Variants in NIT1 observed in about 807,000 individuals in gnomAD.
The protein encoded by NIT1 is nitrilase 1.
A neutral mutation model predicts 36.8 loss-of-function variants in NIT1; 30 were observed. That is an observed-to-expected ratio of 0.82 (90% CI 0.61 to 1.11). The LOEUF is 1.11. NIT1 is among the 50% of genes least tolerant of loss of function. The pLI, the probability that NIT1 is intolerant of heterozygous loss-of-function variation, is 0.00. For synonymous variants in NIT1, 151 were observed against 155.6 expected, an observed-to-expected ratio of 0.97 and a Z score of 0.22; for missense variants, 438 against 410.6, an observed-to-expected ratio of 1.07 and a Z score of -0.58.
At chr1:161,123,757 A>T, downstream of NIT1, 1 of 1,270,032 alleles carries the variant, frequency 7.9e-7, no homozygotes, top group Non-Finnish European at 1.1e-6. Context: ...CCTTTCATTT[A>T]AGCTGGCAAA....
Position 161,119,657 on chromosome 1 carries a change from T to C in NIT1, c.457+45T>C, listed in dbSNP as rs558348931. On this transcript the variant is annotated intron_variant, in intron 4 of 6. Coordinates refer to ENST00000368009, the MANE Select transcript of NIT1 (RefSeq NM_005600.3). ...TAGCCTGCCTCTTCCCATGCTCTTC[T>C]ACCTAGATTCTCCAGAATTGTTTCT... 2.8e-5 allele frequency: 35 copies of C among 1,228,648 alleles called. No homozygotes were observed. The African/African-American group carries it at 4.1e-4, about 14-fold the overall frequency. 76.1% of individuals were successfully genotyped at this position (1,228,648 alleles called of 1,614,324 possible).
Position 161,120,127 on chromosome 1 carries a change from T to C in NIT1, c.612T>C (p.Tyr204=), listed in dbSNP as rs536352691. ...TCCAGATTGGTCTAGCTGTCTGCTATGACATGCGGTTCCCTGAACTCTCTC... is the reference window on the plus strand; with the variant it reads ...TCCAGATTGGTCTAGCTGTCTGCTACGACATGCGGTTCCCTGAACTCTCTC... ...PAGKIGLAVC[Y]DMRFPELSLA... Residue 204 remains tyrosine, a synonymous_variant, in exon 6 of 7, where the codon TAT becomes TAC. Coordinates refer to ENST00000368009, the MANE Select transcript of NIT1 (RefSeq NM_005600.3). 1.2e-4 allele frequency: 189 copies of C among 1,614,072 alleles called. 2 individuals are homozygous for C. The highest frequency in any genetic ancestry group is 1.6e-4 in the Middle Eastern group (1 of 6,080).
rs752813926 is a variant in NIT1 at position 161,119,662 on chromosome 1, A to G, written c.457+50A>G. The G allele has an allele frequency of 5.0e-6, 8 of 1,591,922 alleles. No individual in the cohort carries two copies. In the East Asian group the frequency reaches 1.6e-4, roughly 31 times the overall value. On this transcript the variant is annotated intron_variant, in intron 4 of 6. Transcript: ENST00000368009. ...TGCCTCTTCCCATGCTCTTCTACCTAGATTCTCCAGAATTGTTTCTCAACT... is the reference window on the plus strand; with the variant it reads ...TGCCTCTTCCCATGCTCTTCTACCTGGATTCTCCAGAATTGTTTCTCAACT...
chr1:161,119,115 C>T lies in NIT1; in HGVS notation c.99-19C>T. ...CCCTGTGCTATGAAATCTGAGAATC[C>T]TGCCTATGCTGTTCACAGGCCCAGA... On this transcript the variant is annotated intron_variant, in intron 2 of 6. Transcript: ENST00000368009. 6.2e-7 allele frequency: 1 copy of T among 1,609,872 alleles called. No individual in the cohort carries two copies. The highest frequency in any genetic ancestry group is 1.1e-5 in the South Asian group (1 of 90,990).
chr1:161,123,121 T>G, downstream of NIT1: 1 of 1,614,156 alleles, frequency 6.2e-7, no homozygotes, highest in East Asian at 2.2e-5. Flanking sequence ...ACTTCCGGCG[T>G]TTTCGCTGGC....
intron 1 of NIT1, chr1:161,118,433 C>G: frequency 6.5e-7 from 1 of 1,535,810 alleles, no homozygotes; most frequent in Non-Finnish European, 8.7e-7. Context: ...TGCTTCGAGT[C>G]AGTAAAGCTG....
downstream of NIT1, chr1:161,124,479 C>T (rs756561014): frequency 4.0e-5 from 64 of 1,587,030 alleles, no homozygotes; most frequent in African/African-American, 9.4e-5. Context: ...GGCTCAGGTA[C>T]GCAATGCTTT....
At position 161,119,143 on chromosome 1, in the gene NIT1, C is replaced by T; in HGVS notation, c.108C>T (p.Ala36=). The T allele has an allele frequency of 6.2e-7, 1 of 1,613,776 alleles. No individual in the cohort carries two copies. Among genetic ancestry groups the T allele is most frequent in the Non-Finnish European group, 8.5e-7 (1 of 1,180,040 alleles). The change falls in exon 3 of 7, where the codon GCC becomes GCT. Residue 36 remains alanine (A), a synonymous_variant. Transcript: ENST00000368009. ...SVLCAQPRPR[A]MAISSSSCEL... ...CCTATGCTGTTCACAGGCCCAGAGC[C>T]ATGGCTATCTCCTCTTCCTCCTGCG... is the stretch of plus-strand genomic sequence containing the variant.
At chr1:161,123,229 G>A (rs1557978024), downstream of NIT1, 4 of 1,611,036 alleles carry the variant, frequency 2.5e-6, no homozygotes, top group Non-Finnish European at 8.5e-7. Flanking sequence ...GCACTGACCA[G>A]AAAGTAAAAG....
downstream of NIT1, chr1:161,122,660 G>T: frequency 1.7e-6 from 2 of 1,156,576 alleles, no homozygotes; most frequent in Non-Finnish European, 2.4e-6. This position sits in a 1 kb window ranked among gnomAD's most constrained non-coding sequence, Gnocchi z 4.2. Context: ...CTCTTCCCCA[G>T]GACTATTTCT....
chr1:161,124,154 G>A (rs2101744753), downstream of NIT1: 1 of 1,613,292 alleles, frequency 6.2e-7, no homozygotes, highest in South Asian at 1.1e-5. Flanking sequence ...GTCTCCTCTT[G>A]AGGGTGACGT....
chr1:161,118,145 C>T lies in NIT1; in HGVS notation c.-32C>T, dbSNP rs200572879. 1.6e-4 allele frequency: 253 copies of T among 1,613,990 alleles called. No individual in the cohort carries two copies. In the African/African-American group the frequency reaches 2.9e-3, roughly 19 times the overall value. On this transcript the variant is annotated 5_prime_UTR_variant, in exon 1 of 7. Coordinates refer to ENST00000368009, the MANE Select transcript of NIT1 (RefSeq NM_005600.3). The stretch of plus-strand genomic sequence containing the variant: ...TCTGGCTCCAGACCGCCCTCCGGAT[C>T]GGACCCTGCGAATGGTTTTGGCTAT...
At position 161,121,044 on chromosome 1, in the gene NIT1, G is replaced by GA. The variant is rs930343832; in HGVS notation, c.*284dup. 3 of 1,297,162 alleles carry GA rather than the reference G, an allele frequency of 2.3e-6. No homozygotes were observed. Among genetic ancestry groups the GA allele is most frequent in the Non-Finnish European group, 2.9e-6 (3 of 1,018,440 alleles). 80.4% of individuals were successfully genotyped at this position (1,297,162 alleles called of 1,614,324 possible). A position where few individuals can be genotyped will look rare whatever the true frequency, so the allele number is the denominator to read the frequency against. ...CTGAGGGCTGAGCAGCACTGGCATTGAAAAATATAATAATCATAAAGTCTG... is the reference window on the plus strand; with the variant it reads ...CTGAGGGCTGAGCAGCACTGGCATTGAAAAAATATAATAATCATAAAGTCTG... On this transcript the variant is annotated 3_prime_UTR_variant, in exon 7 of 7. Coordinates refer to ENST00000368009, the MANE Select transcript of NIT1 (RefSeq NM_005600.3).
Position 161,120,780 on chromosome 1 carries a change from G to A in NIT1, c.*15G>A. 6.2e-7 allele frequency: 1 copy of A among 1,609,502 alleles called. No individual in the cohort carries two copies. The highest frequency in any genetic ancestry group is 8.5e-7 in the Non-Finnish European group (1 of 1,178,562). Reference sequence around the variant, plus strand: ...CACTGTCTTAAGACTTGACTTCTGTGAGTTTAGACCTGCCCCTCCCACCCC... The same window carrying A: ...CACTGTCTTAAGACTTGACTTCTGTAAGTTTAGACCTGCCCCTCCCACCCC... On this transcript the variant is annotated 3_prime_UTR_variant, in exon 7 of 7. Coordinates refer to ENST00000368009, the MANE Select transcript of NIT1 (RefSeq NM_005600.3).
downstream of NIT1, chr1:161,124,756 G>A (rs534348298): frequency 4.3e-4 from 154 of 362,334 alleles, 2 homozygotes; most frequent in East Asian, 5.5e-3. Context: ...GAGCCCAGGC[G>A]TTTAAGACCA....
chr1:161,118,518 A>G (rs1215287734), intron 1 of NIT1: 1 of 1,536,170 alleles, frequency 6.5e-7, no homozygotes, highest in African/African-American at 1.4e-5. Context: ...GGACTGCGGA[A>G]ACGTTTGTCA....
chr1:161,118,638 A>T (rs752142324), intron 1 of NIT1, 148 bp from the exon 2 acceptor site: 1 of 1,522,190 alleles, frequency 6.6e-7, no homozygotes, highest in Non-Finnish European at 8.8e-7. Flanking sequence ...CCCTTAGCCT[A>T]TAATTTCTTA....
intron 3 of NIT1, 60 bp from the exon 4 acceptor site, chr1:161,119,449 A>G: frequency 6.2e-7 from 1 of 1,613,468 alleles, no homozygotes; most frequent in South Asian, 1.1e-5. Flanking sequence ...CTGGGTTGCC[A>G]GATATGAGGG....
At chr1:161,118,474 G>A (rs1269273136) in intron 1 of NIT1, 4 of 1,536,174 alleles carry the variant, frequency 2.6e-6, no homozygotes, top group Non-Finnish European at 3.5e-6. Flanking sequence ...GAGAGTCTTG[G>A]GAAAACCAAG....
Sources: allele counts gnomAD v4.1 joint callset, GRCh38; gene constraint gnomAD v4.1.1; non-coding constraint Gnocchi (gnomAD v3.1); transcripts MANE v1.5; gene names NCBI Gene and HGNC (gene_info 2026-07-23, HGNC 2026-07-21).